Variants in UAP1 observed in about 807,000 individuals in gnomAD.
UAP1 encodes the protein UDP-N-acetylglucosamine pyrophosphorylase 1, also known as UDP-N-acetylhexosamine pyrophosphorylase.
A neutral mutation model predicts 58.5 loss-of-function variants in UAP1; 25 were observed. The ratio of observed to expected loss-of-function variants is 0.43; its 90% confidence interval spans 0.31 to 0.60. The LOEUF is 0.60. Among genes scored for constraint, UAP1 ranks in the 20% least tolerant of loss-of-function variants. The pLI, the probability that UAP1 is intolerant of heterozygous loss-of-function variation, is 0.11. For missense variants in UAP1, 575 were observed against 630.0 expected (o/e 0.91, Z 0.93); for synonymous variants, 208 against 213.0 (o/e 0.98, Z 0.21).
intron 8 of UAP1, among the ~76,000 whole-genome samples, chr1:162,591,637 C>T (rs115330946): frequency 0.011 from 1,691 of 152,098 alleles, 30 homozygotes; most frequent in African/African-American, 0.038. Context: ...ACTCGCCTGC[C>T]ATAAAGCCCA....
intron 2 of UAP1, among the ~76,000 whole-genome samples, chr1:162,572,621 C>T (rs1468186855): frequency 6.6e-6 from 1 of 152,166 alleles, no homozygotes; most frequent in East Asian, 1.9e-4. Flanking sequence ...ATAAAAAGAA[C>T]AGAGATCTCT....
intron 2 of UAP1, 44 bp from the exon 3 acceptor site, chr1:162,576,733 G>C (rs1295670366): frequency 2.6e-6 from 4 of 1,551,498 alleles, no homozygotes; most frequent in Admixed American, 3.4e-5. Context: ...ATACTAAAGT[G>C]TTGAATTGTA....
downstream of UAP1, among the ~76,000 whole-genome samples, chr1:162,600,592 A>G (rs1453462410): frequency 1.3e-5 from 2 of 152,088 alleles, no homozygotes; most frequent in Non-Finnish European, 2.9e-5. Context: ...TCCGCTAACA[A>G]GTTGTCACAA....
chr1:162,592,609 T>G (rs1655381795), intron 8 of UAP1, 123 bp from the exon 9 acceptor site: 1 of 748,310 alleles, frequency 1.3e-6, no homozygotes, highest in African/African-American at 1.8e-5. Flanking sequence ...TTTGGTCTCT[T>G]GGGACGAATT....
chr1:162,579,731 G>A (rs1418007010), intron 4 of UAP1, 128 bp downstream of exon 4: 1 of 831,922 alleles, frequency 1.2e-6, no homozygotes, highest in Admixed American at 3.4e-5. Flanking sequence ...TTTGCAGCTT[G>A]GAAATGATTT....
At chr1:162,584,512 ACT>A (rs1433370445) in intron 5 of UAP1, among the ~76,000 whole-genome samples, 2 of 152,020 alleles carry the variant, frequency 1.3e-5, no homozygotes, top group Non-Finnish European at 2.9e-5. Flanking sequence ...ACAGGATCTC[ACT>A]CTGCCACCCA....
chr1:162,578,150 G>C (rs1191463162), intron 3 of UAP1, among the ~76,000 whole-genome samples: 1 of 152,006 alleles, frequency 6.6e-6, no homozygotes, highest in East Asian at 1.9e-4. Flanking sequence ...ATGTTTTGAG[G>C]GGAAAATCAG....
At chr1:162,594,762 C>T (rs1446290818) in intron 9 of UAP1, among the ~76,000 whole-genome samples, 1 of 152,114 alleles carries the variant, frequency 6.6e-6, no homozygotes, top group East Asian at 1.9e-4. Context: ...AAGCTTTAAA[C>T]ATTATTCTTA....
At chr1:162,568,867 A>T (rs920083449) in intron 2 of UAP1, among the ~76,000 whole-genome samples, 2 of 152,196 alleles carry the variant, frequency 1.3e-5, no homozygotes, top group Non-Finnish European at 2.9e-5. Flanking sequence ...CATAAGCCAC[A>T]ATTAAGGTAT....
chr1:162,600,327 G>GT (rs1382430128), downstream of UAP1, among the ~76,000 whole-genome samples: 2 of 152,028 alleles, frequency 1.3e-5, no homozygotes, highest in Admixed American at 6.6e-5. Flanking sequence ...GGCTATTCCA[G>GT]TTTTTTGTTA....
At chr1:162,581,696 T>C (rs12736865) in intron 5 of UAP1, among the ~76,000 whole-genome samples, 41,154 of 152,138 alleles carry the variant, frequency 0.27, 6,048 homozygotes, top group Admixed American at 0.33. Context: ...GGAGGATTTG[T>C]AAGTACTTCG....
intron 8 of UAP1, among the ~76,000 whole-genome samples, chr1:162,590,885 ATTGT>A (rs1376565929): frequency 1.3e-5 from 2 of 148,362 alleles, no homozygotes; most frequent in South Asian, 4.2e-4. Flanking sequence ...GCCACAGAGG[ATTGT>A]TTGTTGTTGC....
At chr1:162,589,153 A>AATT (rs1557977351) in intron 7 of UAP1, among the ~76,000 whole-genome samples, 57 of 92,504 alleles carry the variant, frequency 6.2e-4, no homozygotes, top group African/African-American at 2.4e-3. Context: ...TATATAATAT[A>AATT]TATTATATAT....
At chr1:162,572,228 C>T (rs900831095) in intron 2 of UAP1, among the ~76,000 whole-genome samples, 2 of 152,184 alleles carry the variant, frequency 1.3e-5, no homozygotes, top group African/African-American at 2.4e-5. Flanking sequence ...GAAACAAACA[C>T]ATGCCATTTA....
chr1:162,601,076 G>A (rs563039478), downstream of UAP1, among the ~76,000 whole-genome samples: 10 of 152,254 alleles, frequency 6.6e-5, no homozygotes, highest in Non-Finnish European at 1.5e-4. Flanking sequence ...GGAACATTGG[G>A]TAGTTAAGAG....
At chr1:162,574,393 G>C (rs1444040501) in intron 2 of UAP1, among the ~76,000 whole-genome samples, 3 of 152,042 alleles carry the variant, frequency 2.0e-5, no homozygotes, top group Non-Finnish European at 4.4e-5. Flanking sequence ...GCACCTGGCC[G>C]GGTTTATTTT....
chr1:162,561,956 C>T (rs943151850), intron 1 of UAP1, among the ~76,000 whole-genome samples, 179 bp downstream of exon 1: 1 of 152,202 alleles, frequency 6.6e-6, no homozygotes, highest in African/African-American at 2.4e-5. Flanking sequence ...CAGACACACA[C>T]CCCAGCCCGT....
intron 5 of UAP1, among the ~76,000 whole-genome samples, chr1:162,584,781 C>A (rs1654804507): frequency 6.6e-6 from 1 of 152,064 alleles, no homozygotes. Flanking sequence ...CTATGCCTGG[C>A]CTGCAGTACT....
chr1:162,595,395 C>T (rs562806420), intron 9 of UAP1, among the ~76,000 whole-genome samples: 41 of 152,082 alleles, frequency 2.7e-4, no homozygotes, highest in Admixed American at 7.2e-4. Flanking sequence ...ATGGGGTGGG[C>T]CCTCATTTTT....
Sources: allele counts gnomAD v4.1 joint callset (sites outside exome capture counted in the v4.1 genomes callset), GRCh38; gene constraint gnomAD v4.1.1; transcripts MANE v1.5; gene names NCBI Gene and HGNC (gene_info 2026-07-23, HGNC 2026-07-21).